The following SLC30A4 variants were observed in gnomAD, a reference collection of about 807,000 sequenced individuals.
SLC30A4 encodes the protein solute carrier family 30 member 4, also known as probable proton-coupled zinc antiporter SLC30A4.
SLC30A4 carries 20 observed loss-of-function variants against 41.7 expected under a neutral mutation model. The observed-to-expected ratio is 0.48, with a 90% confidence interval of 0.34 to 0.70. The LOEUF (loss-of-function observed/expected upper bound fraction) is 0.70, where lower values mean the gene tolerates loss of function less well. Ranked by LOEUF, SLC30A4 falls within the 30% of genes least tolerant of loss-of-function variation. The pLI is 0.01. For synonymous variants in SLC30A4, 181 were observed against 195.9 expected (o/e 0.92, Z 0.64); for missense variants, 441 against 529.3 (o/e 0.83, Z 1.64).
At chr15:45,505,314 T>C (rs183245534) in intron 3 of SLC30A4, among the ~76,000 whole-genome samples, 25 of 149,982 alleles carry the variant, frequency 1.7e-4, no homozygotes, top group Admixed American at 1.6e-3. Flanking sequence ...TAAACCAATC[T>C]AAAGCCTACA....
chr15:45,504,962 G>A (rs1211805091), intron 3 of SLC30A4, among the ~76,000 whole-genome samples: 2 of 152,090 alleles, frequency 1.3e-5, no homozygotes, highest in Admixed American at 6.6e-5. Context: ...CGGGTATGGT[G>A]GCTCACGCCT....
intron 3 of SLC30A4, among the ~76,000 whole-genome samples, chr15:45,508,546 C>T (rs1350412363): frequency 6.6e-6 from 1 of 152,198 alleles, no homozygotes; most frequent in Non-Finnish European, 1.5e-5. Context: ...TGCTTCTTGG[C>T]TTGTTTTCTC....
intron 7 of SLC30A4, among the ~76,000 whole-genome samples, chr15:45,486,160 T>C (rs564253826): frequency 6.6e-6 from 1 of 151,844 alleles, no homozygotes; most frequent in East Asian, 1.9e-4. Flanking sequence ...GTAGCTGGGA[T>C]TACAGGCATG....
intron 3 of SLC30A4, among the ~76,000 whole-genome samples, chr15:45,499,039 G>A (rs1454603991): frequency 1.3e-5 from 2 of 150,764 alleles, no homozygotes; most frequent in South Asian, 4.2e-4. Flanking sequence ...CATTAGGAAA[G>A]ACATCTATCC....
intron 3 of SLC30A4, among the ~76,000 whole-genome samples, chr15:45,500,664 A>C (rs79876890): frequency 0.019 from 2,491 of 131,968 alleles, 37 homozygotes; most frequent in Non-Finnish European, 0.029. Context: ...ATCTATCTAT[A>C]TGTTTTTGTT....
chr15:45,513,353 G>A lies in SLC30A4; in HGVS notation c.392-2069C>T, dbSNP rs1382497014. On this transcript the variant is annotated intron_variant, in intron 2 of 7. Coordinates refer to ENST00000261867, the MANE Select transcript of SLC30A4 (RefSeq NM_013309.6). ...CCTGAGTAGCTGGGACTACAGGCATGTACCACCATGCTCAGCTAATCTTTT... is the reference window on the plus strand; with the variant it reads ...CCTGAGTAGCTGGGACTACAGGCATATACCACCATGCTCAGCTAATCTTTT... Among the ~76,000 whole-genome samples, 3 of 150,928 alleles carry A rather than the reference G, an allele frequency of 2.0e-5. No homozygotes were observed. In the East Asian group the frequency reaches 5.8e-4, roughly 29 times the overall value.
chr15:45,496,115 A>G (rs978558392), intron 3 of SLC30A4, among the ~76,000 whole-genome samples: 1 of 152,232 alleles, frequency 6.6e-6, no homozygotes. Flanking sequence ...GTATAAAGCA[A>G]AGACAATACT....
intron 3 of SLC30A4, among the ~76,000 whole-genome samples, chr15:45,496,425 A>C (rs573392689): frequency 2.0e-5 from 3 of 152,290 alleles, no homozygotes; most frequent in Admixed American, 1.3e-4. Flanking sequence ...CATAACTTAC[A>C]ATAAAGTTTT....
At chr15:45,498,229 C>T (rs1204738398) in intron 3 of SLC30A4, among the ~76,000 whole-genome samples, 1 of 152,076 alleles carries the variant, frequency 6.6e-6, no homozygotes, top group Non-Finnish European at 1.5e-5. Context: ...TCCTTTTGTG[C>T]TATTTTTCTT....
At chr15:45,498,221 C>G (rs1294311877) in intron 3 of SLC30A4, among the ~76,000 whole-genome samples, 1 of 152,060 alleles carries the variant, frequency 6.6e-6, no homozygotes, top group Admixed American at 6.6e-5. Context: ...CTTCTAATTC[C>G]TTTTGTGCTA....
intron 3 of SLC30A4, among the ~76,000 whole-genome samples, chr15:45,493,350 A>G (rs926970769): frequency 1.3e-5 from 2 of 152,220 alleles, no homozygotes; most frequent in Non-Finnish European, 2.9e-5. Flanking sequence ...ACCTGACACT[A>G]ATCCTGTAAG....
intron 3 of SLC30A4, among the ~76,000 whole-genome samples, chr15:45,504,968 C>T (rs908972467): frequency 1.3e-5 from 2 of 152,054 alleles, no homozygotes; most frequent in African/African-American, 2.4e-5. Context: ...TGGTGGCTCA[C>T]GCCTGTAATC....
chr15:45,498,593 C>T (rs941671807), intron 3 of SLC30A4, among the ~76,000 whole-genome samples: 1 of 152,144 alleles, frequency 6.6e-6, no homozygotes. Flanking sequence ...CTGCTTATTG[C>T]TCCCCCTACA....
At position 45,483,373 on chromosome 15, in the gene SLC30A4, C is replaced by T. The variant is rs1891635438; in HGVS notation, c.*1790G>A. The stretch of plus-strand genomic sequence containing the variant: ...GAGCCCAATAACCATATCCATTCTT[C>T]GTGTAAGAAACTGTCACTGTTGAAA... On this transcript the variant is annotated 3_prime_UTR_variant, in exon 8 of 8. Coordinates refer to ENST00000261867, the MANE Select transcript of SLC30A4 (RefSeq NM_013309.6). 2.0e-5 allele frequency: 3 copies of T among 152,180 alleles called. No individual in the cohort carries two copies. Among genetic ancestry groups the T allele is most frequent in the South Asian group, 2.1e-4 (1 of 4,834 alleles). The allele number at this position is 152,180 out of a possible 1,614,324, so 9.4% of individuals were successfully genotyped here. A position where few individuals can be genotyped will look rare whatever the true frequency, so the allele number is the denominator to read the frequency against.
chr15:45,517,142 ACTCT>A (rs1274161159), intron 2 of SLC30A4, among the ~76,000 whole-genome samples: 1 of 151,004 alleles, frequency 6.6e-6, no homozygotes, highest in Non-Finnish European at 1.5e-5. Context: ...ACTTTGAAAT[ACTCT>A]CTTTTTTAAA....
chr15:45,499,034 G>T (rs775279082), intron 3 of SLC30A4, among the ~76,000 whole-genome samples: 1 of 151,656 alleles, frequency 6.6e-6, no homozygotes, highest in Non-Finnish European at 1.5e-5. Flanking sequence ...TGTATCATTA[G>T]GAAAGACATC....
intron 3 of SLC30A4, among the ~76,000 whole-genome samples, chr15:45,510,827 C>T (rs898145686): frequency 3.3e-5 from 5 of 152,190 alleles, no homozygotes; most frequent in African/African-American, 9.7e-5. Flanking sequence ...TGCTCATTAA[C>T]GGGTTAAACC....
chr15:45,520,794 C>A, intron 2 of SLC30A4: 1 of 277,720 alleles, frequency 3.6e-6, no homozygotes, highest in Middle Eastern at 1.2e-3. Context: ...TATTTATACA[C>A]ATGTGACCTG....
At chr15:45,494,940 C>G (rs956892007) in intron 3 of SLC30A4, among the ~76,000 whole-genome samples, 1 of 152,094 alleles carries the variant, frequency 6.6e-6, no homozygotes, top group Non-Finnish European at 1.5e-5. Flanking sequence ...GGGAGGATCA[C>G]TTGAGGTCAA....
Sources: gnomAD v4.1 joint callset for allele counts (sites outside exome capture counted in the v4.1 genomes callset) on GRCh38, gnomAD v4.1.1 for gene constraint, MANE v1.5 for transcripts, NCBI Gene and HGNC (gene_info 2026-07-23, HGNC 2026-07-21) for gene names.